Variants in HECW2 observed in about 807,000 individuals in gnomAD.
HECW2 encodes E3 ubiquitin-protein ligase HECW2.
HECW2 carries 61 observed loss-of-function variants against 175.2 expected under a neutral mutation model. That is an observed-to-expected ratio of 0.35 (90% confidence interval 0.28 to 0.43). The LOEUF (loss-of-function observed/expected upper bound fraction) is 0.43, where lower values mean the gene tolerates loss of function less well. Among genes scored for constraint, HECW2 ranks in the 20% least tolerant of loss-of-function variants. HECW2 has a pLI of 1.00. For missense variants in HECW2, 1,524 were observed against 2,000.5 expected (o/e 0.76, Z 4.54); for synonymous variants, 671 against 731.0 (o/e 0.92, Z 1.32).
intron 1 of HECW2, among the ~76,000 whole-genome samples, chr2:196,571,706 A>AT (rs201079040): frequency 0.014 from 2,152 of 152,208 alleles, 49 homozygotes; most frequent in African/African-American, 0.05. Context: ...GTCTCAAAAA[A>AT]AAAAATAAAA....
Position 196,520,653 on chromosome 2 carries a change from A to G in HECW2, c.-36+72855T>C, listed in dbSNP as rs191349242. 1.9e-3 allele frequency among the ~76,000 whole-genome samples: 296 copies of G among 152,356 alleles called. No homozygotes were observed. The Middle Eastern group carries it at 0.02, about 11-fold the overall frequency. The stretch of plus-strand genomic sequence containing the variant: ...GAGGTTAGAAATGTTCACTAAAGCA[A>G]AAGAACCTACTAGTTGTGCAGAACC... On this transcript the variant is annotated intron_variant, in intron 1 of 28. Coordinates refer to ENST00000644978, the MANE Select transcript of HECW2 (RefSeq NM_001348768.2).
At chr2:196,277,756 GAA>G (rs1280812532) in intron 15 of HECW2, among the ~76,000 whole-genome samples, 1 of 152,046 alleles carries the variant, frequency 6.6e-6, no homozygotes, top group East Asian at 1.9e-4. Context: ...ACTGGATTAA[GAA>G]AACGTGGCAC....
intron 2 of HECW2, among the ~76,000 whole-genome samples, chr2:196,400,834 G>C (rs1436750694): frequency 7.1e-6 from 1 of 141,076 alleles, no homozygotes; most frequent in Non-Finnish European, 1.5e-5. Context: ...AAAAAAAAAA[G>C]AGCTAAAATA....
At chr2:196,561,780 G>A (rs1271404455) in intron 1 of HECW2, among the ~76,000 whole-genome samples, 1 of 152,166 alleles carries the variant, frequency 6.6e-6, no homozygotes, top group Non-Finnish European at 1.5e-5. Context: ...GCAACATCCA[G>A]CTACAGGGAA....
At chr2:196,340,623 G>C (rs1329267590) in intron 3 of HECW2, among the ~76,000 whole-genome samples, 1 of 125,944 alleles carries the variant, frequency 7.9e-6, no homozygotes, top group Admixed American at 8.1e-5. Context: ...AAAAAAAAAT[G>C]ACATCCCAAA....
At chr2:196,340,169 G>A (rs959976909) in intron 3 of HECW2, among the ~76,000 whole-genome samples, 6 of 152,098 alleles carry the variant, frequency 3.9e-5, no homozygotes, top group African/African-American at 1.4e-4. Flanking sequence ...AGGATTGGAG[G>A]TGGAAAATAT....
intron 2 of HECW2, among the ~76,000 whole-genome samples, chr2:196,392,484 T>A (rs565787412): frequency 1.3e-3 from 188 of 147,450 alleles, no homozygotes; most frequent in African/African-American, 3.7e-3. Flanking sequence ...CATTAAAAAA[T>A]TTTTGTTAAT....
intron 2 of HECW2, among the ~76,000 whole-genome samples, chr2:196,431,273 G>A (rs1695704586): frequency 6.6e-6 from 1 of 152,098 alleles, no homozygotes; most frequent in Admixed American, 6.5e-5. Flanking sequence ...AAGATTTTGT[G>A]GGTTTGGTCA....
At chr2:196,578,963 A>C (rs781255799) in intron 1 of HECW2, among the ~76,000 whole-genome samples, 15 of 151,710 alleles carry the variant, frequency 9.9e-5, no homozygotes, top group Non-Finnish European at 2.1e-4. Context: ...TTATATTTAT[A>C]ACCCTTTCTT....
chr2:196,378,517 A>G (rs1370128380), intron 2 of HECW2, among the ~76,000 whole-genome samples: 2 of 152,238 alleles, frequency 1.3e-5, no homozygotes, highest in African/African-American at 4.8e-5. Context: ...ACGAGTTCAT[A>G]GCAATATTAA....
intron 1 of HECW2, among the ~76,000 whole-genome samples, chr2:196,554,124 G>C (rs998352114): frequency 6.6e-6 from 1 of 152,048 alleles, no homozygotes; most frequent in Non-Finnish European, 1.5e-5. Context: ...GGATCACGAG[G>C]TCAGGAGATC....
chr2:196,283,094 A>T (rs56316242), intron 14 of HECW2, among the ~76,000 whole-genome samples: 3,681 of 151,610 alleles, frequency 0.024, 161 homozygotes, highest in African/African-American at 0.085. Context: ...CCTCGTCTCT[A>T]CTAAAAATAT....
chr2:196,369,734 A>T (rs1385882999), intron 2 of HECW2, among the ~76,000 whole-genome samples: 2 of 152,116 alleles, frequency 1.3e-5, no homozygotes, highest in Admixed American at 6.5e-5. Flanking sequence ...CACCCAAGCC[A>T]CAAGACAAAG....
rs1428937053 is a variant in HECW2 at position 196,334,458 on chromosome 2, G to A, written c.461C>T (p.Thr154Ile). 2 of 1,610,156 alleles carry A rather than the reference G, an allele frequency of 1.2e-6. No individual in the cohort carries two copies. The highest frequency in any genetic ancestry group is 1.7e-6 in the Non-Finnish European group (2 of 1,178,446). The change falls in exon 4 of 29, where the codon ACC becomes ATC. Residue 154 changes from threonine to isoleucine, a missense_variant. This residue lies in a region of HECW2 where 135 missense variants were observed against 214.6 expected (regional missense o/e 0.63). Transcript: ENST00000644978. ...TGGGTTCTTCACGGTGATGCAGGGG[G>A]TCGTGGCTCGCAGGGCTCCACTAAT... The part of the protein sequence containing the change: ...HGISGALRAT[T>I]PCITVKNPAV...
At chr2:196,586,984 G>T (rs1471015405) in intron 1 of HECW2, among the ~76,000 whole-genome samples, 3 of 152,092 alleles carry the variant, frequency 2.0e-5, no homozygotes, top group Non-Finnish European at 4.4e-5. Flanking sequence ...TTTGACAAAG[G>T]AGTTTTGTCA....
At chr2:196,305,162 TG>T (rs1249757020) in intron 13 of HECW2, among the ~76,000 whole-genome samples, 1 of 152,220 alleles carries the variant, frequency 6.6e-6, no homozygotes, top group Non-Finnish European at 1.5e-5. Flanking sequence ...AAGTCTGGGA[TG>T]CCAGGGCCCA....
chr2:196,343,817 A>G (rs1277945211), intron 2 of HECW2, 53 bp from the exon 3 acceptor site: 10 of 1,080,450 alleles, frequency 9.3e-6, no homozygotes, highest in Non-Finnish European at 1.3e-5. Flanking sequence ...TTCTCTCCGT[A>G]GCAGGAAGAT....
chr2:196,247,802 C>A (rs1338338534), intron 19 of HECW2, among the ~76,000 whole-genome samples: 1 of 152,106 alleles, frequency 6.6e-6, no homozygotes, highest in Non-Finnish European at 1.5e-5. Flanking sequence ...GGTGTGTGAC[C>A]CAGAACCTGG....
chr2:196,336,324 T>C (rs772685271), intron 3 of HECW2, among the ~76,000 whole-genome samples: 3 of 152,204 alleles, frequency 2.0e-5, no homozygotes, highest in Non-Finnish European at 4.4e-5. Flanking sequence ...TAGCATGTAG[T>C]CTGCAAGAAC....
Sources: allele counts gnomAD v4.1 joint callset (sites outside exome capture counted in the v4.1 genomes callset), GRCh38; gene constraint gnomAD v4.1.1; regional missense constraint gnomAD v4.1.1; transcripts MANE v1.5; gene names NCBI Gene and HGNC (gene_info 2026-07-23, HGNC 2026-07-21).